The following FYB1 variants were observed in gnomAD, a reference collection of about 807,000 sequenced individuals.
FYB1 encodes the protein FYN binding protein 1.
Under a neutral mutation model 94.1 loss-of-function variants are expected in FYB1, and 41 were observed. That is an observed-to-expected ratio of 0.44 (90% confidence interval 0.34 to 0.57). FYB1 has a LOEUF of 0.57. Among genes scored for constraint, FYB1 ranks in the 20% least tolerant of loss-of-function variants. The probability of loss-of-function intolerance (pLI) is 0.02; values close to 1 mark genes in which losing one functional copy is unlikely to be tolerated. For missense variants in FYB1, 1,050 were observed against 976.8 expected (o/e 1.07, Z -1.00); for synonymous variants, 367 against 353.2 (o/e 1.04, Z -0.44).
chr5:39,200,803 C>A (rs1437649920), intron 2 of FYB1, among the ~76,000 whole-genome samples: 1 of 152,124 alleles, frequency 6.6e-6, no homozygotes, highest in East Asian at 1.9e-4. Flanking sequence ...TTAACTAGAC[C>A]ATACTTCGGT....
At position 39,189,791 on chromosome 5, in the gene FYB1, C is replaced by T. The variant is rs757492769; in HGVS notation, c.1135+12035G>A. ...AAACCCCTCTGGCTCCTCAAACCTT[C>T]GGTGAAGCCTGTCCTGCACACACAT... On this transcript the variant is annotated intron_variant, in intron 2 of 18. Coordinates refer to ENST00000512982, the MANE Select transcript of FYB1 (RefSeq NM_001465.6). 2.2e-4 allele frequency among the ~76,000 whole-genome samples: 34 copies of T among 152,226 alleles called. 1 individual carries two copies. The highest frequency in any genetic ancestry group is 2.1e-3 in the Admixed American group (32 of 15,288).
intron 2 of FYB1, among the ~76,000 whole-genome samples, chr5:39,181,745 C>T (rs1288595776): frequency 6.6e-6 from 1 of 152,188 alleles, no homozygotes; most frequent in Non-Finnish European, 1.5e-5. Flanking sequence ...TCATTCTCAT[C>T]CACACAACCA....
chr5:39,261,269 C>A (rs60013375), intron 1 of FYB1, among the ~76,000 whole-genome samples: 16,897 of 146,610 alleles, frequency 0.12, 1,227 homozygotes, highest in African/African-American at 0.21. Flanking sequence ...CAAACCTGCA[C>A]GTTCTGCACA....
chr5:39,263,541 GA>G (rs905068748), intron 1 of FYB1, among the ~76,000 whole-genome samples: 12 of 150,354 alleles, frequency 8.0e-5, no homozygotes, highest in East Asian at 3.9e-4. Context: ...TTACCTAAAA[GA>G]AAAAAAAATC....
intron 1 of FYB1, among the ~76,000 whole-genome samples, chr5:39,261,802 A>G (rs1322529392): frequency 1.3e-5 from 2 of 152,176 alleles, no homozygotes; most frequent in Non-Finnish European, 2.9e-5. Flanking sequence ...TTTATGAACT[A>G]TATTGATCAG....
intron 1 of FYB1, among the ~76,000 whole-genome samples, chr5:39,218,906 C>T (rs1459325387): frequency 6.6e-6 from 1 of 152,146 alleles, no homozygotes; most frequent in Non-Finnish European, 1.5e-5. Flanking sequence ...ATCCAGTTTG[C>T]CAGGATTCCT....
chr5:39,193,497 G>A (rs1433992346), intron 2 of FYB1, among the ~76,000 whole-genome samples: 1 of 152,178 alleles, frequency 6.6e-6, no homozygotes, highest in East Asian at 1.9e-4. Context: ...CATGGCTAAG[G>A]GAAGAAATAG....
chr5:39,237,250 G>T (rs1423270809), intron 1 of FYB1, among the ~76,000 whole-genome samples: 1 of 152,138 alleles, frequency 6.6e-6, no homozygotes, highest in Non-Finnish European at 1.5e-5. Context: ...GAAAGGCAAG[G>T]AAGGCAGTTA....
rs7703843 is a variant in FYB1, at chr5:39,110,457, G to A, written c.2402-68C>T. On this transcript the variant is annotated intron_variant, in intron 16 of 18. Coordinates refer to ENST00000512982, the MANE Select transcript of FYB1 (RefSeq NM_001465.6). ...TGAAAAATCTTTAGTACTTTTTTCAGGAAATCAAAACACAAGAGAGTAATC... is the reference window on the plus strand; with the variant it reads ...TGAAAAATCTTTAGTACTTTTTTCAAGAAATCAAAACACAAGAGAGTAATC... The A allele has an allele frequency of 1.3e-3, 1,369 of 1,031,590 alleles. 14 individuals are homozygous for A. The African/African-American group carries it at 0.019, about 14-fold the overall frequency. 63.9% of individuals were successfully genotyped at this position (1,031,590 alleles called of 1,614,324 possible). A position where few individuals can be genotyped will look rare whatever the true frequency, so the allele number is the denominator to read the frequency against.
chr5:39,118,836 A>G (rs771458202), intron 16 of FYB1, 38 bp downstream of exon 16: 2 of 1,270,064 alleles, frequency 1.6e-6, no homozygotes, highest in Non-Finnish European at 2.1e-6. Flanking sequence ...CTGGAGTGAC[A>G]TATATATGCA....
chr5:39,207,031 ATAT>A lies in FYB1; in HGVS notation c.-27-4047_-27-4045del, dbSNP rs150779638. On this transcript the variant is annotated intron_variant, in intron 1 of 18. Transcript: ENST00000512982. The stretch of plus-strand genomic sequence containing the variant: ...ACTTTTTTCCCTTGCTAGTTGGATC[ATAT>A]TGGTGCGTGTTATTTGCAGAACCTT... Among the ~76,000 whole-genome samples the A allele has an allele frequency of 4.0e-3, 613 of 152,254 alleles. 3 individuals carry two copies. Among genetic ancestry groups the A allele is most frequent in the African/African-American group, 0.014 (596 of 41,538 alleles).
chr5:39,144,572 T>G (rs574533502), intron 3 of FYB1, among the ~76,000 whole-genome samples: 2 of 151,950 alleles, frequency 1.3e-5, no homozygotes, highest in African/African-American at 4.8e-5. Context: ...GAGTCTGAGG[T>G]GGGTGGATCA....
intron 2 of FYB1, among the ~76,000 whole-genome samples, chr5:39,154,718 G>T (rs906227341): frequency 2.0e-5 from 3 of 151,834 alleles, no homozygotes; most frequent in African/African-American, 7.3e-5. Flanking sequence ...TGTATTTTTA[G>T]TAGAGATGGG....
chr5:39,112,436 A>C (rs1365711708), intron 16 of FYB1, among the ~76,000 whole-genome samples: 1 of 152,092 alleles, frequency 6.6e-6, no homozygotes, highest in Non-Finnish European at 1.5e-5. Flanking sequence ...GGATTCATAC[A>C]GTCTCTGAGC....
intron 1 of FYB1, among the ~76,000 whole-genome samples, chr5:39,237,613 G>A (rs1483516004): frequency 6.6e-6 from 1 of 151,968 alleles, no homozygotes; most frequent in Non-Finnish European, 1.5e-5. Context: ...CTGGATATAA[G>A]GATTGAAAGT....
intron 14 of FYB1, among the ~76,000 whole-genome samples, chr5:39,120,212 T>C (rs1018240095): frequency 6.7e-6 from 1 of 150,220 alleles, no homozygotes; most frequent in Non-Finnish European, 1.5e-5. Context: ...TTTATCTTCA[T>C]CCCTTTATCA....
At chr5:39,219,908 C>T (rs1750156164), upstream of FYB1, among the ~76,000 whole-genome samples, 1 of 152,056 alleles carries the variant, frequency 6.6e-6, no homozygotes, top group African/African-American at 2.4e-5. Context: ...GGGATGCTTA[C>T]AATTAGAAAG....
rs1580456630 is a variant in FYB1, at chr5:39,172,717, G to A, written c.1136-19113C>T. ...ATAAGGCATTTGGTTTTCTGTTCAT[G>A]TGTTAGTTCGCTTAGGATAGTGACC... On this transcript the variant is annotated intron_variant, in intron 2 of 18. Transcript: ENST00000512982. Among the ~76,000 whole-genome samples, 3 of 151,992 alleles carry A rather than the reference G, an allele frequency of 2.0e-5. No individual in the cohort carries two copies. The South Asian group carries it at 6.2e-4, about 31-fold the overall frequency.
chr5:39,222,205 C>G (rs531576016), upstream of FYB1, among the ~76,000 whole-genome samples: 1 of 152,140 alleles, frequency 6.6e-6, no homozygotes, highest in African/African-American at 2.4e-5. Flanking sequence ...CTGGGTAAGG[C>G]CTTCTGAGCT....
Sources: allele counts gnomAD v4.1 joint callset (sites outside exome capture counted in the v4.1 genomes callset), GRCh38; gene constraint gnomAD v4.1.1; transcripts MANE v1.5; gene names NCBI Gene and HGNC (gene_info 2026-07-23, HGNC 2026-07-21).